The following DDX17 variants were observed in gnomAD, a reference collection of about 807,000 sequenced individuals.
DDX17 encodes the protein DEAD-box helicase 17.
In DDX17, 10 loss-of-function variants were observed where a neutral mutation model predicts 80.8. The observed-to-expected ratio is 0.12, with a 90% CI of 0.08 to 0.21. DDX17 has a LOEUF of 0.21. DDX17 is among the 10% of genes least tolerant of loss of function. The pLI, the probability that DDX17 is intolerant of heterozygous loss-of-function variation, is 1.00. For missense variants in DDX17, 586 were observed against 957.4 expected, an observed-to-expected ratio of 0.61 and a Z score of 5.12; for synonymous variants, 339 against 336.2, an observed-to-expected ratio of 1.01 and a Z score of -0.09.
intron 6 of DDX17, among the ~76,000 whole-genome samples, chr22:38,495,258 T>C (rs1169585280): frequency 6.6e-6 from 1 of 150,458 alleles, no homozygotes; most frequent in East Asian, 1.9e-4. Flanking sequence ...TTTTTTTTTT[T>C]TTTTTGAGAT....
chr22:38,488,505 G>A, intron 11 of DDX17: 1 of 1,060,544 alleles, frequency 9.4e-7, no homozygotes, highest in Non-Finnish European at 1.1e-6. Context: ...CCACTGTGAA[G>A]TTATGAGGCC....
In DDX17 at chr22:38,489,404, G is replaced by A; in HGVS notation, c.1448-1289C>T. 1.0e-6 allele frequency: 1 copy of A among 985,814 alleles called. No individual in the cohort carries two copies. Among genetic ancestry groups the A allele is most frequent in the Non-Finnish European group, 1.2e-6 (1 of 829,948 alleles). The allele number at this position is 985,814 out of a possible 1,614,324, so 61.1% of individuals were successfully genotyped here. A position where few individuals can be genotyped will look rare whatever the true frequency, so the allele number is the denominator to read the frequency against. ...AAGTCCCCACACACGCTCGCTCTGT[G>A]AACTGGCTTAGATGCTTCTCTGTAG... On this transcript the variant is annotated intron_variant, in intron 11 of 12. Transcript: ENST00000403230. This position sits in a 1 kb window ranked among gnomAD's most constrained non-coding sequence, Gnocchi z 4.6.
chr22:38,490,105 A>C, intron 11 of DDX17: 1 of 1,138,586 alleles, frequency 8.8e-7, no homozygotes. Context: ...CTGTGTGTGC[A>C]TGCACAGCTG....
chr22:38,491,097 G>C (rs2089709501), intron 11 of DDX17: 1 of 152,422 alleles, frequency 6.6e-6, no homozygotes, highest in Non-Finnish European at 1.5e-5. Context: ...ATCCAGACAT[G>C]ACCTCAGAGG....
At chr22:38,498,674 G>T in intron 3 of DDX17, 101 bp from the exon 4 acceptor site, 1 of 1,277,216 alleles carries the variant, frequency 7.8e-7, no homozygotes, top group Non-Finnish European at 1.1e-6. Context: ...GATTTACCCA[G>T]CTTCATCTCT....
intron 9 of DDX17, 74 bp downstream of exon 9, chr22:38,493,947 C>A: frequency 1.5e-6 from 2 of 1,319,908 alleles, no homozygotes; most frequent in Non-Finnish European, 2.2e-6. Flanking sequence ...TATTACACAA[C>A]ATTTGGAATA....
intron 5 of DDX17, among the ~76,000 whole-genome samples, chr22:38,497,394 G>C (rs563826937): frequency 4.0e-5 from 6 of 149,810 alleles, no homozygotes; most frequent in African/African-American, 1.5e-4. Flanking sequence ...GAGGCAGGCA[G>C]ATCACCTGAG....
At chr22:38,487,740 A>G (rs923525192) in intron 12 of DDX17, 139 bp downstream of exon 12, 9 of 804,688 alleles carry the variant, frequency 1.1e-5, no homozygotes, top group Non-Finnish European at 1.8e-5. Flanking sequence ...GAAAAAGGTT[A>G]TAAAAAGCAT....
At chr22:38,488,723 A>G (rs2089686317) in intron 11 of DDX17, 1 of 986,760 alleles carries the variant, frequency 1.0e-6, no homozygotes, top group Non-Finnish European at 1.2e-6. Flanking sequence ...AAAGCTGTTA[A>G]GTACACACCT....
In DDX17 at chr22:38,499,448, C is replaced by T; in HGVS notation, c.490G>A (p.Asp164Asn). The T allele has an allele frequency of 6.2e-7, 1 of 1,614,048 alleles. No individual in the cohort carries two copies. The highest frequency in any genetic ancestry group is 1.1e-5 in the South Asian group (1 of 91,084). ...GCAAACACGGGTTTAGGACAAACAT[C>T]TCCCCCCCTCACTGTAATCTCCTTC... is the stretch of plus-strand genomic sequence containing the variant. Residue 164 changes from aspartate to asparagine, a missense_variant, in exon 3 of 13, where the codon GAT becomes AAT. Asp to Asn is a conservative substitution (Grantham distance 23). Around this residue, in one of 4 missense-constraint regions of DDX17, gnomAD observed 215 missense variants for 238.4 expected, o/e 0.90. Coordinates refer to ENST00000403230, the MANE Select transcript of DDX17 (RefSeq NM_006386.5).
At chr22:38,497,689 G>A (rs1288174671) in intron 5 of DDX17, among the ~76,000 whole-genome samples, 2 of 149,626 alleles carry the variant, frequency 1.3e-5, no homozygotes, top group East Asian at 1.9e-4. Context: ...CAATTTGGGA[G>A]GGCAAGGTGG....
chr22:38,490,008 C>G, intron 11 of DDX17: 1 of 1,034,832 alleles, frequency 9.7e-7, no homozygotes, highest in Non-Finnish European at 1.2e-6. Flanking sequence ...GTCAACAGTT[C>G]ACATGCTAAT....
chr22:38,505,135 C>G (rs1021989890), intron 1 of DDX17: 1 of 152,284 alleles, frequency 6.6e-6, no homozygotes, highest in African/African-American at 2.4e-5. Context: ...TCTCGAACTC[C>G]TGACCTCCGG....
At chr22:38,488,208 C>A (rs2089680160) in intron 11 of DDX17, 93 bp from the exon 12 acceptor site, 4 of 1,602,556 alleles carry the variant, frequency 2.5e-6, no homozygotes, top group Non-Finnish European at 3.4e-6. Context: ...AGCACGAATG[C>A]AGATGACAGC....
chr22:38,499,642 A>C, intron 2 of DDX17, 143 bp from the exon 3 acceptor site: 1 of 646,556 alleles, frequency 1.5e-6, no homozygotes, highest in Non-Finnish European at 2.7e-6. Context: ...CATGTGTATC[A>C]CTTTAACTCT....
intron 9 of DDX17, 107 bp downstream of exon 9, chr22:38,493,914 T>C (rs1289894329): frequency 8.4e-7 from 1 of 1,196,726 alleles, no homozygotes; most frequent in Non-Finnish European, 1.2e-6. Context: ...AAGAGCAAAC[T>C]GCATGGATAG....
chr22:38,498,423 C>T lies in DDX17; in HGVS notation c.672+17G>A, dbSNP rs1191423478. On this transcript the variant is annotated intron_variant, in intron 4 of 12. Coordinates refer to ENST00000403230, the MANE Select transcript of DDX17 (RefSeq NM_006386.5). ...AAGTTACCACAATATCAAGGATCTT[C>T]TCTTGCTCATACATACCGCCAACGT... 1 of 1,613,816 alleles carries T rather than the reference C, an allele frequency of 6.2e-7. No homozygotes were observed. The highest frequency in any genetic ancestry group is 1.1e-5 in the South Asian group (1 of 91,052).
chr22:38,504,301 C>G (rs564619452), intron 1 of DDX17, among the ~76,000 whole-genome samples: 9 of 152,210 alleles, frequency 5.9e-5, no homozygotes, highest in Non-Finnish European at 8.8e-5. Context: ...ACGGCTGATT[C>G]AATTGTACGA....
chr22:38,504,881 T>A (rs1357166311), intron 1 of DDX17, among the ~76,000 whole-genome samples: 4 of 151,432 alleles, frequency 2.6e-5, no homozygotes, highest in Non-Finnish European at 4.4e-5. Context: ...CACACACACA[T>A]ATCAAGTGGC....
Sources: gnomAD v4.1 joint callset for allele counts (sites outside exome capture counted in the v4.1 genomes callset) on GRCh38, gnomAD v4.1.1 for gene constraint, gnomAD v4.1.1 regional missense constraint, Gnocchi (gnomAD v3.1) non-coding constraint, MANE v1.5 for transcripts, NCBI Gene and HGNC (gene_info 2026-07-23, HGNC 2026-07-21) for gene names.